ANXA7: variants seen among roughly 807,000 people sequenced by gnomAD.
The protein encoded by ANXA7 is annexin A7.
ANXA7 carries 55 observed loss-of-function variants against 64.9 expected under a neutral mutation model. The ratio of observed to expected loss-of-function variants is 0.85; its 90% CI spans 0.68 to 1.06. The LOEUF (loss-of-function observed/expected upper bound fraction) is 1.06. ANXA7 is among the 50% of genes least tolerant of loss of function. ANXA7 has a pLI of 0.00. For missense variants in ANXA7, 548 were observed against 582.1 expected (o/e 0.94, Z 0.60); for synonymous variants, 200 against 192.4 (o/e 1.04, Z -0.33).
chr10:73,376,864 A>G (rs76150063), intron 12 of ANXA7, among the ~76,000 whole-genome samples: 1,925 of 152,314 alleles, frequency 0.013, 16 homozygotes, highest in Middle Eastern at 0.024. Flanking sequence ...ATGCTATAAC[A>G]TGAATAAACC....
At chr10:73,387,593 C>A (rs1564524797) in intron 7 of ANXA7, 96 bp downstream of exon 7, 1 of 937,716 alleles carries the variant, frequency 1.1e-6, no homozygotes. Flanking sequence ...CCCTCTTTTG[C>A]ACCACAGGTA....
intron 7 of ANXA7, among the ~76,000 whole-genome samples, chr10:73,385,732 T>C (rs185913551): frequency 1.7e-4 from 26 of 152,242 alleles, no homozygotes; most frequent in African/African-American, 2.4e-5. Context: ...TTTGTGAGAA[T>C]AGTGAGTCTG....
intron 5 of ANXA7, among the ~76,000 whole-genome samples, chr10:73,390,579 C>G (rs922174563): frequency 1.2e-4 from 18 of 151,562 alleles, no homozygotes; most frequent in Admixed American, 7.9e-4. Context: ...TAACCGCTGT[C>G]ACTAAAATCC....
chr10:73,378,224 A>G (rs913876222), intron 12 of ANXA7, among the ~76,000 whole-genome samples: 12 of 151,832 alleles, frequency 7.9e-5, no homozygotes, highest in African/African-American at 2.7e-4. Context: ...AAAAAATACA[A>G]AAACTTAGCT....
chr10:73,391,676 T>C (rs1207395797), intron 5 of ANXA7, among the ~76,000 whole-genome samples: 1 of 152,126 alleles, frequency 6.6e-6, no homozygotes, highest in African/African-American at 2.4e-5. Flanking sequence ...ATTAGAGAAC[T>C]GGATCAATCA....
At chr10:73,402,077 A>G (rs1390311754) in intron 1 of ANXA7, among the ~76,000 whole-genome samples, 1 of 152,260 alleles carries the variant, frequency 6.6e-6, no homozygotes. Context: ...TAGGTGCCAC[A>G]GAAATCCCCT....
intron 1 of ANXA7, among the ~76,000 whole-genome samples, chr10:73,401,516 T>G (rs2055664588): frequency 1.3e-5 from 2 of 152,110 alleles, no homozygotes; most frequent in Non-Finnish European, 2.9e-5. Context: ...CTTTTTTTTT[T>G]GGAGACGGAG....
rs2055151814 is a variant in ANXA7 at position 73,375,234 on chromosome 10, T to TTAA, written c.*860_*861insTTA. 1 of 152,174 alleles carries TTAA rather than the reference T, an allele frequency of 6.6e-6. No individual in the cohort carries two copies. The highest frequency in any genetic ancestry group is 1.5e-5 in the Non-Finnish European group (1 of 68,030). 9.4% of individuals were successfully genotyped at this position (152,174 alleles called of 1,614,324 possible). On this transcript the variant is annotated 3_prime_UTR_variant, in exon 13 of 13. Transcript: ENST00000372921. ...AACTTTCAGTTATAAAACGAATAAA[T>TTAA]GCTAGAGGTTTAATGTAGAGCACAG...
intron 7 of ANXA7, among the ~76,000 whole-genome samples, chr10:73,384,284 A>G (rs960568934): frequency 6.6e-6 from 1 of 152,240 alleles, no homozygotes; most frequent in Non-Finnish European, 1.5e-5. Context: ...CAAGGGATAT[A>G]TGAAACAAAG....
chr10:73,386,412 G>A (rs1353726403), intron 7 of ANXA7, among the ~76,000 whole-genome samples: 1 of 151,980 alleles, frequency 6.6e-6, no homozygotes, highest in Non-Finnish European at 1.5e-5. Context: ...TTGTCCTATG[G>A]GAGCTCAGTT....
intron 2 of ANXA7, among the ~76,000 whole-genome samples, chr10:73,399,944 C>G (rs1484393823): frequency 6.6e-6 from 1 of 152,114 alleles, no homozygotes; most frequent in South Asian, 2.1e-4. Context: ...GAGTTTGAGA[C>G]AAGCCTGGCC....
intron 1 of ANXA7, among the ~76,000 whole-genome samples, chr10:73,404,333 T>TCC (rs2055719183): frequency 6.6e-6 from 1 of 152,196 alleles, no homozygotes; most frequent in African/African-American, 2.4e-5. Context: ...AGTTTGAAAG[T>TCC]TATGTTCTTC....
chr10:73,399,574 G>GT (rs1564530986), intron 2 of ANXA7, among the ~76,000 whole-genome samples: 1 of 152,200 alleles, frequency 6.6e-6, no homozygotes, highest in African/African-American at 2.4e-5. Context: ...TGTAATCCCA[G>GT]CGCTTTGGGA....
intron 1 of ANXA7, among the ~76,000 whole-genome samples, chr10:73,407,636 G>A (rs985646810): frequency 1.3e-5 from 2 of 152,190 alleles, no homozygotes; most frequent in Admixed American, 6.5e-5. Context: ...TTTTATATCA[G>A]ATGCCAAATA....
intron 7 of ANXA7, among the ~76,000 whole-genome samples, chr10:73,384,670 G>C (rs913163906): frequency 6.6e-6 from 1 of 152,010 alleles, no homozygotes; most frequent in Admixed American, 6.6e-5. Flanking sequence ...CGAAGTGCTG[G>C]CATTACACAC....
intron 11 of ANXA7, 28 bp from the exon 12 acceptor site, chr10:73,379,051 G>T (rs763825827): frequency 6.6e-7 from 1 of 1,512,290 alleles, no homozygotes; most frequent in Non-Finnish European, 9.1e-7. Context: ...TTGAGACATG[G>T]AATCATGATC....
Position 73,380,089 on chromosome 10 carries a change from A to G in ANXA7, c.1031T>C (p.Met344Thr), listed in dbSNP as rs1485288246. Residue 344 changes from methionine (M) to threonine (T), a missense_variant, in exon 10 of 13, where the codon ATG (methionine) becomes ACG (threonine). Transcript: ENST00000372921. Reference sequence around the variant, plus strand: ...AGGAAAGCTTCTTGTGGCAAGGATCATGTTAAAGCAAGATTCATCGGTCCC... The same window carrying G: ...AGGAAAGCTTCTTGTGGCAAGGATCGTGTTAAAGCAAGATTCATCGGTCCC... ...RLGTDESCFN[M>T]ILATRSFPQL... 1 of 1,614,208 alleles carries G rather than the reference A, an allele frequency of 6.2e-7. No homozygotes were observed. The highest frequency in any genetic ancestry group is 8.5e-7 in the Non-Finnish European group (1 of 1,180,032).
intron 8 of ANXA7, 88 bp from the exon 9 acceptor site, chr10:73,383,433 G>A (rs1391058957): frequency 1.4e-6 from 2 of 1,382,224 alleles, no homozygotes; most frequent in African/African-American, 2.9e-5. Flanking sequence ...TTGTTCTGTA[G>A]AACTAAAAAC....
chr10:73,392,027 G>A (rs1440834607), intron 5 of ANXA7, among the ~76,000 whole-genome samples: 2 of 152,052 alleles, frequency 1.3e-5, no homozygotes, highest in African/African-American at 4.8e-5. Flanking sequence ...TATCACCACC[G>A]ATCCCACAGA....
Sources: allele counts gnomAD v4.1 joint callset (sites outside exome capture counted in the v4.1 genomes callset), GRCh38; gene constraint gnomAD v4.1.1; transcripts MANE v1.5; gene names NCBI Gene and HGNC (gene_info 2026-07-23, HGNC 2026-07-21).